Variants in ADGB observed in about 807,000 individuals in gnomAD.
ADGB encodes androglobin, also known as calpain-7-like protein.
A neutral mutation model predicts 210.5 loss-of-function variants in ADGB; 172 were observed. The observed-to-expected ratio is 0.82, with a 90% CI of 0.72 to 0.93. The LOEUF (loss-of-function observed/expected upper bound fraction) is 0.93. ADGB is among the 40% of genes least tolerant of loss of function. The probability of loss-of-function intolerance (pLI) is 0.00; values close to 1 mark genes in which losing one functional copy is unlikely to be tolerated. For synonymous variants in ADGB, 658 were observed against 662.7 expected, an observed-to-expected ratio of 0.99 and a Z score of 0.11; for missense variants, 2,025 against 1,964.8, an observed-to-expected ratio of 1.03 and a Z score of -0.58.
chr6:146,678,235 T>G (rs2114908948), intron 9 of ADGB, among the ~76,000 whole-genome samples: 1 of 152,302 alleles, frequency 6.6e-6, no homozygotes, highest in South Asian at 2.1e-4. Context: ...GTTTGTTTAT[T>G]TGTTTATTTG....
At chr6:146,631,280 G>A (rs1781060881) in intron 1 of ADGB, among the ~76,000 whole-genome samples, 2 of 152,178 alleles carry the variant, frequency 1.3e-5, no homozygotes, top group South Asian at 2.1e-4. Flanking sequence ...GACCAGGTGT[G>A]TAGTGCTGGC....
At chr6:146,784,983 T>C (rs1202057354) in intron 31 of ADGB, among the ~76,000 whole-genome samples, 189 bp downstream of exon 31, 1 of 152,168 alleles carries the variant, frequency 6.6e-6, no homozygotes, top group African/African-American at 2.4e-5. Context: ...ACCCTCCTGA[T>C]TACCCAAAGG....
In ADGB at chr6:146,807,784, C is replaced by G. The variant is rs574822189; in HGVS notation, c.4818+5773C>G. 1.5e-4 allele frequency: 62 copies of G among 406,388 alleles called. No homozygotes were observed. The East Asian group carries it at 2.5e-3, about 16-fold the overall frequency. The allele number at this position is 406,388 out of a possible 1,614,324, so 25.2% of individuals were successfully genotyped here. On this transcript the variant is annotated intron_variant, in intron 35 of 35. Coordinates refer to ENST00000397944, the MANE Select transcript of ADGB (RefSeq NM_024694.4). ...ATTCGAGTTTAAGATGCTCTAATTTCAATAAAATAGCTTCCAAATATTTAA... is the reference window on the plus strand; with the variant it reads ...ATTCGAGTTTAAGATGCTCTAATTTGAATAAAATAGCTTCCAAATATTTAA...
chr6:146,601,710 A>G (rs192415484), intron 1 of ADGB, among the ~76,000 whole-genome samples: 1 of 152,232 alleles, frequency 6.6e-6, no homozygotes, highest in Non-Finnish European at 1.5e-5. Flanking sequence ...AGAGCCTTGA[A>G]AACGGCTATG....
intron 1 of ADGB, among the ~76,000 whole-genome samples, chr6:146,625,732 C>A (rs1292125710): frequency 1.3e-5 from 2 of 152,098 alleles, no homozygotes; most frequent in Admixed American, 6.6e-5. Context: ...CAGATGCCAG[C>A]ACCATGCTTC....
At chr6:146,638,675 A>G (rs1315018655) in intron 2 of ADGB, among the ~76,000 whole-genome samples, 2 of 151,386 alleles carry the variant, frequency 1.3e-5, no homozygotes, top group South Asian at 2.1e-4. Flanking sequence ...TACTGGGTGC[A>G]GCACACCAAC....
At chr6:146,704,988 G>A (rs1311269068) in intron 13 of ADGB, among the ~76,000 whole-genome samples, 2 of 151,908 alleles carry the variant, frequency 1.3e-5, no homozygotes, top group Non-Finnish European at 2.9e-5. Context: ...CCATTTATTT[G>A]AGTCTTATTT....
At position 146,672,135 on chromosome 6, in the gene ADGB, G is replaced by A. The variant is rs1377337369; in HGVS notation, c.840-85G>A. ...GAAATTATTCATTAAATAGCAAGTT[G>A]ATTTTTCTGTCAGTAATTTCTTGCG... On this transcript the variant is annotated intron_variant, in intron 7 of 35. Transcript: ENST00000397944. 4 of 1,409,376 alleles carry A rather than the reference G, an allele frequency of 2.8e-6. No individual in the cohort carries two copies. In the Admixed American group the frequency reaches 1.2e-4, roughly 41 times the overall value. 87.3% of individuals were successfully genotyped at this position (1,409,376 alleles called of 1,614,324 possible).
At chr6:146,637,462 A>G (rs1229105358) in intron 2 of ADGB, among the ~76,000 whole-genome samples, 2 of 152,092 alleles carry the variant, frequency 1.3e-5, no homozygotes, top group Non-Finnish European at 2.9e-5. Flanking sequence ...ATGAATAAAC[A>G]GCAGCAGCTT....
intron 2 of ADGB, among the ~76,000 whole-genome samples, chr6:146,638,168 C>G (rs1408063629): frequency 3.3e-5 from 5 of 151,586 alleles, no homozygotes; most frequent in Non-Finnish European, 5.9e-5. Context: ...GCAGAAAGGA[C>G]TTTTGATAAA....
intron 1 of ADGB, among the ~76,000 whole-genome samples, chr6:146,606,539 T>A (rs1471253769): frequency 6.6e-6 from 1 of 152,144 alleles, no homozygotes; most frequent in Non-Finnish European, 1.5e-5. Context: ...TTTTACATTT[T>A]CCACTTAAGT....
chr6:146,617,532 G>T (rs1478741062), intron 1 of ADGB, among the ~76,000 whole-genome samples: 4 of 151,954 alleles, frequency 2.6e-5, no homozygotes, highest in African/African-American at 9.7e-5. Flanking sequence ...TAGAGGAAAG[G>T]CTTTCAATTT....
chr6:146,664,932 G>A lies in ADGB; in HGVS notation c.752+592G>A, dbSNP rs528943461. On this transcript the variant is annotated intron_variant, in intron 6 of 35. Transcript: ENST00000397944. ...AACATATATGAGACACATCTGCTAT[G>A]TGCTATTCCCTCAGCTTACACTTCC... Among the ~76,000 whole-genome samples, 8 of 152,086 alleles carry A rather than the reference G, an allele frequency of 5.3e-5. No homozygotes were observed. In the South Asian group the frequency reaches 1.2e-3, roughly 24 times the overall value.
chr6:146,768,263 A>G (rs1305106863), intron 28 of ADGB, among the ~76,000 whole-genome samples: 1 of 152,244 alleles, frequency 6.6e-6, no homozygotes, highest in Admixed American at 6.5e-5. Flanking sequence ...TAAAATTCAT[A>G]GGAATGAATA....
chr6:146,616,441 G>A (rs1174458612), intron 1 of ADGB, among the ~76,000 whole-genome samples: 2 of 151,734 alleles, frequency 1.3e-5, no homozygotes, highest in African/African-American at 2.4e-5. Flanking sequence ...AATCCCATTT[G>A]TCTATTTTTG....
At chr6:146,647,031 G>A (rs910109182) in intron 3 of ADGB, among the ~76,000 whole-genome samples, 3 of 150,172 alleles carry the variant, frequency 2.0e-5, no homozygotes, top group African/African-American at 7.3e-5. Flanking sequence ...AGAATTTTCA[G>A]TGAGCCAAGA....
chr6:146,612,255 AT>A (rs1380469937), intron 1 of ADGB, among the ~76,000 whole-genome samples: 2 of 151,952 alleles, frequency 1.3e-5, no homozygotes, highest in Non-Finnish European at 2.9e-5. Context: ...ATTATTCTTT[AT>A]TTAAGATTAC....
chr6:146,780,596 A>C (rs1458592747), intron 29 of ADGB, among the ~76,000 whole-genome samples: 5 of 152,158 alleles, frequency 3.3e-5, no homozygotes, highest in African/African-American at 1.2e-4. Flanking sequence ...GTTAATAGAG[A>C]CAAAAAAAAG....
chr6:146,767,919 A>G (rs1190489380), intron 28 of ADGB, among the ~76,000 whole-genome samples: 1 of 147,324 alleles, frequency 6.8e-6, no homozygotes, highest in Non-Finnish European at 1.5e-5. Flanking sequence ...TTAAACAAAA[A>G]TCAGTAGTGT....
Sources: gnomAD v4.1 joint callset for allele counts (sites outside exome capture counted in the v4.1 genomes callset) on GRCh38, gnomAD v4.1.1 for gene constraint, MANE v1.5 for transcripts, NCBI Gene and HGNC (gene_info 2026-07-23, HGNC 2026-07-21) for gene names.